The following SANBR variants were observed in gnomAD, a reference collection of about 807,000 sequenced individuals.
SANBR encodes the protein SANT and BTB domain regulator of class switch recombination.
A neutral mutation model predicts 101.8 loss-of-function variants in SANBR; 77 were observed. The ratio of observed to expected loss-of-function variants is 0.76; its 90% CI spans 0.63 to 0.91. The LOEUF (loss-of-function observed/expected upper bound fraction) is 0.91. SANBR is among the 40% of genes least tolerant of loss of function. The pLI, the probability that SANBR is intolerant of heterozygous loss-of-function variation, is 0.00. For missense variants in SANBR, 875 were observed against 853.0 expected (o/e 1.03, Z -0.32); for synonymous variants, 279 against 274.7 (o/e 1.02, Z -0.15).
intron 6 of SANBR, among the ~76,000 whole-genome samples, chr2:61,078,509 C>T (rs1192336168): frequency 6.6e-6 from 1 of 151,984 alleles, no homozygotes; most frequent in Non-Finnish European, 1.5e-5. Context: ...GCAACCTCTG[C>T]CTCCCGGGTT....
At chr2:61,090,705 G>A (rs1389343996) in intron 10 of SANBR, 1 of 144,480 alleles carries the variant, frequency 6.9e-6, no homozygotes, top group Non-Finnish European at 1.5e-5. Flanking sequence ...GTATGTGTGT[G>A]TGGGCACAGG....
rs1488680816 is a variant in SANBR, at chr2:61,118,079, G to T, written c.1991G>T (p.Gly664Val). Residue 664 changes from glycine (G) to valine (V), a missense_variant, in exon 20 of 22, where the codon GGG becomes GTG. Physicochemically the swap from Gly to Val is moderately radical, Grantham distance 109. Transcript: ENST00000402291. ...ITGHLIKMRL[G>V]DLDRVKSKEA... Reference sequence around the variant, plus strand: ...GGGCACCTAATAAAAATGAGATTGGGGGATCTGGACCGAGTCAAGTCAAAG... The same window carrying T: ...GGGCACCTAATAAAAATGAGATTGGTGGATCTGGACCGAGTCAAGTCAAAG... 6.2e-7 allele frequency: 1 copy of T among 1,613,784 alleles called. No individual in the cohort carries two copies. The highest frequency in any genetic ancestry group is 1.7e-5 in the Admixed American group (1 of 59,996).
At chr2:61,106,479 G>T in intron 13 of SANBR, 84 bp from the exon 14 acceptor site, 25 of 810,770 alleles carry the variant, frequency 3.1e-5, no homozygotes, top group East Asian at 1.1e-4. Flanking sequence ...AGCGATTTTT[G>T]AAACATTTGT....
intron 21 of SANBR, among the ~76,000 whole-genome samples, chr2:61,136,992 G>A (rs1187877072): frequency 1.3e-4 from 19 of 149,252 alleles, no homozygotes; most frequent in African/African-American, 4.4e-4. Context: ...CAACAACAAC[G>A]ATAATAATAA....
intron 10 of SANBR, chr2:61,088,808 C>T (rs568441303): frequency 1.2e-5 from 12 of 965,286 alleles, no homozygotes; most frequent in African/African-American, 1.8e-5. Flanking sequence ...TGTGAGCCAC[C>T]GCTCCCAGCC....
chr2:61,123,274 C>A lies in SANBR; in HGVS notation c.*1112C>A, dbSNP rs1256449683. 6.1e-6 allele frequency: 6 copies of A among 980,408 alleles called. No homozygotes were observed. The highest frequency in any genetic ancestry group is 4.8e-6 in the Non-Finnish European group (4 of 825,356). 60.7% of individuals were successfully genotyped at this position (980,408 alleles called of 1,614,324 possible). ...AAGTCTTAATTTGCCTTATAACTGACATTTCTTCAAATTATTCAGAGAACA... is the reference window on the plus strand; with the variant it reads ...AAGTCTTAATTTGCCTTATAACTGAAATTTCTTCAAATTATTCAGAGAACA... On this transcript the variant is annotated 3_prime_UTR_variant, in exon 22 of 22. Coordinates refer to ENST00000402291, the MANE Select transcript of SANBR (RefSeq NM_001129993.3).
intron 5 of SANBR, 78 bp downstream of exon 5, chr2:61,073,629 A>G (rs773920303): frequency 2.5e-6 from 2 of 801,258 alleles, no homozygotes; most frequent in Non-Finnish European, 3.9e-6. Flanking sequence ...TGGTTACCAT[A>G]AGGTAGGAAT....
At chr2:61,128,060 C>G (rs1684566291), downstream of SANBR, among the ~76,000 whole-genome samples, 1 of 151,512 alleles carries the variant, frequency 6.6e-6, no homozygotes, top group Non-Finnish European at 1.5e-5. Context: ...ATCATGAGGT[C>G]AGGAGATTGA....
intron 1 of SANBR, among the ~76,000 whole-genome samples, chr2:61,067,667 C>T (rs551049654): frequency 2.0e-5 from 3 of 152,150 alleles, no homozygotes; most frequent in African/African-American, 7.2e-5. Flanking sequence ...ACCCGGGAGG[C>T]GGAGGTTGCA....
chr2:61,088,261 T>C lies in SANBR; in HGVS notation c.977+16T>C. On this transcript the variant is annotated intron_variant, in intron 9 of 21. Coordinates refer to ENST00000402291, the MANE Select transcript of SANBR (RefSeq NM_001129993.3). The stretch of plus-strand genomic sequence containing the variant: ...CATTGTATAGGTATGCTAACATGTT[T>C]TTTTCTTTGGTGTACTTTATAATGC... The C allele has an allele frequency of 6.3e-7, 1 of 1,591,532 alleles. No homozygotes were observed. Among genetic ancestry groups the C allele is most frequent in the Non-Finnish European group, 8.6e-7 (1 of 1,169,458 alleles).
intron 1 of SANBR, 56 bp from the exon 2 acceptor site, chr2:61,068,793 T>A (rs779155812): frequency 2.0e-5 from 3 of 152,386 alleles, no homozygotes; most frequent in Non-Finnish European, 2.9e-5. Context: ...GGTAGCACTT[T>A]CCATATATCC....
In SANBR at chr2:61,104,016, C is replaced by G. The variant is rs377274801; in HGVS notation, c.1511+18C>G. ...ACAGTTAGGTGAGGGGTGGAAAAAC[C>G]CAACACTGTATTATAGCTTTATTCA... On this transcript the variant is annotated intron_variant, in intron 13 of 21. Transcript: ENST00000402291. The G allele has an allele frequency of 4.2e-5, 67 of 1,611,292 alleles. 2 individuals are homozygous for G. In the East Asian group the frequency reaches 5.8e-4, roughly 14 times the overall value.
chr2:61,104,689 C>G (rs959517968), intron 13 of SANBR, among the ~76,000 whole-genome samples: 1 of 152,046 alleles, frequency 6.6e-6, no homozygotes, highest in African/African-American at 2.4e-5. Flanking sequence ...GTATGAACTT[C>G]TCAAATTCAG....
rs777064090 is a variant in SANBR at position 61,092,517 on chromosome 2, A to C, written c.1142A>C (p.Lys381Thr). The change falls in exon 11 of 22, where the codon AAA becomes ACA. Residue 381 changes from lysine (K) to threonine (T), a missense_variant. By Grantham distance (78) the Lys-to-Thr change is moderately conservative. Transcript: ENST00000402291. ...TTGAATAGTCTTTTCGAAGAATTAA[A>C]ATCTTGGAGAGATGTATACTGGCGA... ...EYLNSLFEEL[K>T]SWRDVYWRLW... is the part of the protein sequence containing the mutation. 5.0e-6 allele frequency: 8 copies of C among 1,606,222 alleles called. No individual in the cohort carries two copies. The highest frequency in any genetic ancestry group is 3.4e-5 in the Admixed American group (2 of 59,266).
chr2:61,090,492 T>C (rs1682684307), intron 10 of SANBR: 1 of 152,108 alleles, frequency 6.6e-6, no homozygotes, highest in Non-Finnish European at 1.5e-5. Flanking sequence ...CAGTCTTTGT[T>C]GCTCAGGCTG....
At chr2:61,091,746 A>G (rs1331049792) in intron 10 of SANBR, among the ~76,000 whole-genome samples, 1 of 152,238 alleles carries the variant, frequency 6.6e-6, no homozygotes, top group Non-Finnish European at 1.5e-5. Flanking sequence ...GCTGGGTAAC[A>G]GAGTATGACC....
At chr2:61,090,420 A>G (rs1682678993) in intron 10 of SANBR, 1 of 152,022 alleles carries the variant, frequency 6.6e-6, no homozygotes, top group Non-Finnish European at 1.5e-5. Context: ...TTGTTGTTTT[A>G]TTCAAAGTAT....
Position 61,123,033 on chromosome 2 carries a change from AT to A in SANBR, c.*875del. ...GTTATACTTGCTAGTTCGGTCTAAA[AT>A]TTTCCAAATACATTAGATAGGTGAA... is the stretch of plus-strand genomic sequence containing the variant. On this transcript the variant is annotated 3_prime_UTR_variant, in exon 22 of 22. Transcript: ENST00000402291. 2 of 978,796 alleles carry A rather than the reference AT, an allele frequency of 2.0e-6. No individual in the cohort carries two copies. The highest frequency in any genetic ancestry group is 2.4e-6 in the Non-Finnish European group (2 of 823,758). 60.6% of individuals were successfully genotyped at this position (978,796 alleles called of 1,614,324 possible).
Position 61,123,230 on chromosome 2 carries a change from G to T in SANBR, c.*1068G>T, listed in dbSNP as rs1177249748. 2 of 969,708 alleles carry T rather than the reference G, an allele frequency of 2.1e-6. No individual in the cohort carries two copies. The highest frequency in any genetic ancestry group is 1.2e-6 in the Non-Finnish European group (1 of 815,640). 60.1% of individuals were successfully genotyped at this position (969,708 alleles called of 1,614,324 possible). A position where few individuals can be genotyped will look rare whatever the true frequency, so the allele number is the denominator to read the frequency against. ...GTAGGTCTCTGAAAAACTTTAAGAT[G>T]CACTGTTTCTATTTTTTTAAGTCTT... On this transcript the variant is annotated 3_prime_UTR_variant, in exon 22 of 22. Transcript: ENST00000402291.
Sources: allele counts gnomAD v4.1 joint callset (sites outside exome capture counted in the v4.1 genomes callset), GRCh38; gene constraint gnomAD v4.1.1; transcripts MANE v1.5; gene names NCBI Gene and HGNC (gene_info 2026-07-23, HGNC 2026-07-21).